Variants in GRK5 observed in about 807,000 individuals in gnomAD.
GRK5 encodes the protein g protein-coupled receptor kinase GRK5.
GRK5 carries 40 observed loss-of-function variants against 78.4 expected under a neutral mutation model. The ratio of observed to expected loss-of-function variants is 0.51; its 90% CI spans 0.40 to 0.66. The LOEUF (loss-of-function observed/expected upper bound fraction) is 0.66. GRK5 is among the 30% of genes least tolerant of loss of function. The probability of loss-of-function intolerance (pLI) is 0.00; values close to 1 mark genes in which losing one functional copy is unlikely to be tolerated. For synonymous variants in GRK5, 289 were observed against 296.8 expected (o/e 0.97, Z 0.27); for missense variants, 598 against 759.9 (o/e 0.79, Z 2.50).
intron 1 of GRK5, among the ~76,000 whole-genome samples, chr10:119,326,032 A>G (rs534664711): frequency 6.6e-6 from 1 of 152,292 alleles, no homozygotes; most frequent in Admixed American, 6.5e-5. Context: ...TGGAAACTGA[A>G]GTTCTTGTCC....
chr10:119,446,970 G>A (rs1320988588), intron 12 of GRK5, among the ~76,000 whole-genome samples: 1 of 152,246 alleles, frequency 6.6e-6, no homozygotes, highest in African/African-American at 2.4e-5. Flanking sequence ...ACCCCAAGCA[G>A]TCTGCTCCTC....
chr10:119,421,181 C>T (rs1267671132), intron 4 of GRK5, among the ~76,000 whole-genome samples: 1 of 152,228 alleles, frequency 6.6e-6, no homozygotes, highest in African/African-American at 2.4e-5. Flanking sequence ...CTTGGGCCCT[C>T]CTGGACTAAG....
At chr10:119,215,308 G>A (rs1464303778) in intron 1 of GRK5, among the ~76,000 whole-genome samples, 2 of 152,096 alleles carry the variant, frequency 1.3e-5, no homozygotes, top group Non-Finnish European at 2.9e-5. Context: ...AAAGCTCATC[G>A]GGACAGAGCT....
intron 2 of GRK5, among the ~76,000 whole-genome samples, chr10:119,373,483 T>C (rs550742715): frequency 1.6e-4 from 24 of 152,332 alleles, no homozygotes; most frequent in African/African-American, 5.5e-4. Context: ...TTGCAAACGC[T>C]CTGTCTTGCC....
chr10:119,232,931 TG>T (rs1396406629), intron 1 of GRK5, among the ~76,000 whole-genome samples: 1 of 152,228 alleles, frequency 6.6e-6, no homozygotes, highest in African/African-American at 2.4e-5. Context: ...AACATCACCA[TG>T]TACCCCATAA....
chr10:119,216,740 G>A (rs117570798), intron 1 of GRK5, among the ~76,000 whole-genome samples: 3,422 of 152,204 alleles, frequency 0.022, 65 homozygotes, highest in Non-Finnish European at 0.034. Context: ...ATCACTTGCG[G>A]TCAGGAGTTC....
At position 119,337,935 on chromosome 10, in the gene GRK5, TTCATGAGGACACCAC is replaced by T. The variant is rs1589752533; in HGVS notation, c.148+11329_148+11343del. Among the ~76,000 whole-genome samples, 3 of 152,264 alleles carry T rather than the reference TTCATGAGGACACCAC, an allele frequency of 2.0e-5. No homozygotes were observed. In the East Asian group the frequency reaches 5.8e-4, roughly 29 times the overall value. The stretch of plus-strand genomic sequence containing the variant: ...CCACACCTGGCCAAGTTTCCCCTTT[TTCATGAGGACACCAC>T]TCATATTGGATTAGGGCCCACCCTA... On this transcript the variant is annotated intron_variant, in intron 2 of 15. Transcript: ENST00000392870.
At chr10:119,230,594 C>T (rs1848810490) in intron 1 of GRK5, among the ~76,000 whole-genome samples, 1 of 152,056 alleles carries the variant, frequency 6.6e-6, no homozygotes, top group Admixed American at 6.6e-5. Flanking sequence ...TTACCTCCCA[C>T]TGGGTCCCTC....
At chr10:119,337,681 A>C (rs556138197) in intron 2 of GRK5, among the ~76,000 whole-genome samples, 41 of 151,628 alleles carry the variant, frequency 2.7e-4, no homozygotes, top group African/African-American at 9.4e-4. Flanking sequence ...GTGCAATGGC[A>C]CGATCTCAGC....
In GRK5 at chr10:119,270,396, G is replaced by A. The variant is rs190549374; in HGVS notation, c.53-56120G>A. ...CTTGTCATTATTCCCTAAACAATAC[G>A]TTATAGCAACTGTATACACATAGCA... is the stretch of plus-strand genomic sequence containing the variant. On this transcript the variant is annotated intron_variant, in intron 1 of 15. Coordinates refer to ENST00000392870, the MANE Select transcript of GRK5 (RefSeq NM_005308.3). Among the ~76,000 whole-genome samples the A allele has an allele frequency of 2.0e-5, 3 of 152,308 alleles. No individual in the cohort carries two copies. The East Asian group carries it at 5.8e-4, about 29-fold the overall frequency.
chr10:119,304,374 C>T lies in GRK5; in HGVS notation c.53-22142C>T, dbSNP rs575630063. ...GCATGATCTCAGCTCACTGCAACCTCCGCCTCCTAGGGTTCAAGCAATTCT... is the reference window on the plus strand; with the variant it reads ...GCATGATCTCAGCTCACTGCAACCTTCGCCTCCTAGGGTTCAAGCAATTCT... On this transcript the variant is annotated intron_variant, in intron 1 of 15. Transcript: ENST00000392870. Among the ~76,000 whole-genome samples the T allele has an allele frequency of 5.3e-5, 8 of 150,170 alleles. No individual in the cohort carries two copies. The East Asian group carries it at 1.6e-3, about 30-fold the overall frequency.
intron 1 of GRK5, among the ~76,000 whole-genome samples, chr10:119,277,757 G>A (rs563412899): frequency 6.6e-6 from 1 of 152,154 alleles, no homozygotes; most frequent in East Asian, 1.9e-4. Flanking sequence ...AGCAGCCACT[G>A]TTCTTGCTTT....
intron 1 of GRK5, among the ~76,000 whole-genome samples, chr10:119,223,824 C>T (rs1015223299): frequency 6.6e-6 from 1 of 151,786 alleles, no homozygotes; most frequent in Non-Finnish European, 1.5e-5. Flanking sequence ...CTGGAACTAA[C>T]GAGATGCTAA....
rs772304616 is a variant in GRK5 at position 119,326,602 on chromosome 10, A to G, written c.139A>G (p.Arg47Gly). 1 of 1,612,732 alleles carries G rather than the reference A, an allele frequency of 6.2e-7. No homozygotes were observed. Among genetic ancestry groups the G allele is most frequent in the East Asian group, 2.2e-5 (1 of 44,868 alleles). ...PHISQCEDLR[R>G]TIDRDYCSLC... Reference sequence around the variant, plus strand: ...CATTAGCCAGTGTGAAGACCTCCGAAGGACCATAGGTAAGCTGTCCTGCCT... The same window carrying G: ...CATTAGCCAGTGTGAAGACCTCCGAGGGACCATAGGTAAGCTGTCCTGCCT... Residue 47 changes from arginine to glycine, a missense_variant, in exon 2 of 16, where the codon AGG becomes GGG. Arg to Gly is a moderately radical substitution (Grantham distance 125). Coordinates refer to ENST00000392870, the MANE Select transcript of GRK5 (RefSeq NM_005308.3).
chr10:119,235,584 A>G (rs1210448309), intron 1 of GRK5, among the ~76,000 whole-genome samples: 1 of 152,208 alleles, frequency 6.6e-6, no homozygotes, highest in Non-Finnish European at 1.5e-5. Flanking sequence ...TTCAGACTCC[A>G]TGAAGCTCAT....
chr10:119,324,299 G>A (rs901275139), intron 1 of GRK5, among the ~76,000 whole-genome samples: 1 of 152,218 alleles, frequency 6.6e-6, no homozygotes, highest in African/African-American at 2.4e-5. Flanking sequence ...TTTCCCCCAT[G>A]CCTTGATTTC....
intron 1 of GRK5, among the ~76,000 whole-genome samples, chr10:119,227,136 A>G (rs1848753361): frequency 6.6e-6 from 1 of 152,208 alleles, no homozygotes; most frequent in Non-Finnish European, 1.5e-5. Flanking sequence ...GATTACAGGT[A>G]TGAGCCACCA....
At position 119,304,715 on chromosome 10, in the gene GRK5, C is replaced by T. The variant is rs530571450; in HGVS notation, c.53-21801C>T. Among the ~76,000 whole-genome samples the T allele has an allele frequency of 4.7e-4, 71 of 152,334 alleles. 1 individual carries two copies. The Middle Eastern group carries it at 0.024, about 51-fold the overall frequency. ...CCAGTGCACCACGCTGCCTGCTCAC[C>T]AGCCATCCACCAAGGGCTGGCTCTG... On this transcript the variant is annotated intron_variant, in intron 1 of 15. Coordinates refer to ENST00000392870, the MANE Select transcript of GRK5 (RefSeq NM_005308.3).
chr10:119,447,618 C>T (rs1311328792), intron 12 of GRK5, among the ~76,000 whole-genome samples: 1 of 152,132 alleles, frequency 6.6e-6, no homozygotes, highest in Non-Finnish European at 1.5e-5. Context: ...CCCCGGGGTG[C>T]CCGATCTGTA....
Sources: gnomAD v4.1 joint callset for allele counts (sites outside exome capture counted in the v4.1 genomes callset) on GRCh38, gnomAD v4.1.1 for gene constraint, MANE v1.5 for transcripts, NCBI Gene and HGNC (gene_info 2026-07-23, HGNC 2026-07-21) for gene names.